Variants in DCC observed in about 807,000 individuals in gnomAD.
The protein encoded by DCC is DCC netrin 1 receptor.
A neutral mutation model predicts 172.5 loss-of-function variants in DCC; 58 were observed. The observed-to-expected ratio is 0.34, with a 90% CI of 0.27 to 0.42. The LOEUF (loss-of-function observed/expected upper bound fraction) is 0.42, where lower values mean the gene tolerates loss of function less well. DCC is among the 10% of genes least tolerant of loss of function. DCC has a pLI of 1.00. For synonymous variants in DCC, 709 were observed against 644.5 expected, an observed-to-expected ratio of 1.10 and a Z score of -1.52; for missense variants, 1,740 against 1,791.0, an observed-to-expected ratio of 0.97 and a Z score of 0.51.
chr18:52,590,680 T>C (rs1057445619), intron 1 of DCC, among the ~76,000 whole-genome samples: 2 of 152,198 alleles, frequency 1.3e-5, no homozygotes, highest in African/African-American at 4.8e-5. Context: ...GATGTTGTCA[T>C]CAACCATCCA....
intron 2 of DCC, chr18:52,809,283 A>G (rs1183022280): frequency 6.5e-6 from 1 of 153,654 alleles, no homozygotes; most frequent in Non-Finnish European, 1.4e-5. Context: ...GATACCATGT[A>G]TTTTGTTACT....
chr18:52,794,775 G>A (rs916610519), intron 2 of DCC, among the ~76,000 whole-genome samples: 1 of 151,964 alleles, frequency 6.6e-6, no homozygotes. Context: ...TTGTGGGTTT[G>A]TCATATATAT....
At chr18:53,252,815 A>C (rs2056455415) in intron 12 of DCC, among the ~76,000 whole-genome samples, 1 of 152,032 alleles carries the variant, frequency 6.6e-6, no homozygotes, top group African/African-American at 2.4e-5. Context: ...GCAATTTGGA[A>C]AAAAATGTTT....
chr18:53,386,004 T>C lies in DCC; in HGVS notation c.2360-39T>C, dbSNP rs113330525. ...GCCTTGAGTATTTTGATACATTAAA[T>C]ATATCAACACGTTCATATTGTTTCT... On this transcript the variant is annotated intron_variant, in intron 15 of 28. Coordinates refer to ENST00000442544, the MANE Select transcript of DCC (RefSeq NM_005215.4). The C allele has an allele frequency of 1.0e-3, 1,310 of 1,295,334 alleles. 7 individuals are homozygous for C. Among genetic ancestry groups the C allele is most frequent in the Non-Finnish European group, 6.7e-4 (594 of 889,668 alleles). 80.2% of individuals were successfully genotyped at this position (1,295,334 alleles called of 1,614,324 possible).
At chr18:53,491,457 A>G (rs904886026) in intron 26 of DCC, among the ~76,000 whole-genome samples, 11 of 152,072 alleles carry the variant, frequency 7.2e-5, no homozygotes, top group African/African-American at 2.7e-4. Flanking sequence ...GGTTTGCTGC[A>G]CCCACCAACC....
intron 5 of DCC, among the ~76,000 whole-genome samples, chr18:53,054,956 A>C (rs8096519): frequency 0.27 from 41,329 of 152,020 alleles, 6,086 homozygotes; most frequent in East Asian, 0.38. Context: ...CTATAGGTGC[A>C]ATTGGTATGA....
intron 5 of DCC, among the ~76,000 whole-genome samples, chr18:52,986,625 TAA>T (rs1253824568): frequency 1.3e-5 from 2 of 152,076 alleles, no homozygotes; most frequent in African/African-American, 4.8e-5. Context: ...AGAACTGTTA[TAA>T]GTTTATTGGT....
Position 53,014,569 on chromosome 18 carries a change from T to G in DCC, c.986-48736T>G, listed in dbSNP as rs544082808. Reference sequence around the variant, plus strand: ...GTTTTTTGTCCTTGCGATAGTTTGCTGAGAATGATGGGGGATAATTATTTA... The same window carrying G: ...GTTTTTTGTCCTTGCGATAGTTTGCGGAGAATGATGGGGGATAATTATTTA... On this transcript the variant is annotated intron_variant, in intron 5 of 28. Coordinates refer to ENST00000442544, the MANE Select transcript of DCC (RefSeq NM_005215.4). Among the ~76,000 whole-genome samples the G allele has an allele frequency of 4.6e-5, 7 of 151,716 alleles. No homozygotes were observed. In the East Asian group the frequency reaches 9.8e-4, roughly 21 times the overall value.
At chr18:52,626,524 G>C (rs1025696790) in intron 1 of DCC, among the ~76,000 whole-genome samples, 2 of 151,740 alleles carry the variant, frequency 1.3e-5, no homozygotes, top group African/African-American at 4.8e-5. Flanking sequence ...ACCTCAATTA[G>C]GTTGTCCCTT....
intron 12 of DCC, among the ~76,000 whole-genome samples, chr18:53,243,130 T>TG (rs1222210134): frequency 6.6e-6 from 1 of 152,128 alleles, no homozygotes; most frequent in African/African-American, 2.4e-5. Context: ...AACAGTCCTA[T>TG]TTTGGTTTAT....
chr18:52,678,206 C>T (rs2035680074), intron 1 of DCC, among the ~76,000 whole-genome samples: 1 of 152,058 alleles, frequency 6.6e-6, no homozygotes, highest in South Asian at 2.1e-4. Context: ...ATCTGTGTGA[C>T]AGCCTGGCAA....
intron 1 of DCC, among the ~76,000 whole-genome samples, chr18:52,473,688 C>T (rs1414540251): frequency 6.6e-6 from 1 of 152,076 alleles, no homozygotes; most frequent in African/African-American, 2.4e-5. Context: ...GGAAACTGCC[C>T]CCATGATTCG....
intron 1 of DCC, among the ~76,000 whole-genome samples, chr18:52,464,166 G>A (rs1988713005): frequency 6.6e-6 from 1 of 152,122 alleles, no homozygotes; most frequent in Non-Finnish European, 1.5e-5. Flanking sequence ...ATTCTTAGTT[G>A]TTTTATCTTC....
At chr18:52,540,296 G>A (rs918385381) in intron 1 of DCC, among the ~76,000 whole-genome samples, 2 of 151,992 alleles carry the variant, frequency 1.3e-5, no homozygotes, top group African/African-American at 2.4e-5. Context: ...AAATAATGAT[G>A]TGCACCTGTA....
intron 27 of DCC, among the ~76,000 whole-genome samples, chr18:53,512,690 C>T (rs2046272561): frequency 6.6e-6 from 1 of 151,696 alleles, no homozygotes; most frequent in African/African-American, 2.4e-5. Flanking sequence ...CCGATGCAAT[C>T]AACTGGAAGA....
intron 5 of DCC, among the ~76,000 whole-genome samples, chr18:53,003,199 C>T (rs1001062072): frequency 1.4e-5 from 2 of 146,082 alleles, no homozygotes; most frequent in African/African-American, 4.9e-5. Flanking sequence ...AACTTGGCTT[C>T]TCAATGGTCA....
intron 5 of DCC, among the ~76,000 whole-genome samples, chr18:53,008,576 C>T (rs1006916961): frequency 6.6e-6 from 1 of 151,948 alleles, no homozygotes; most frequent in Non-Finnish European, 1.5e-5. Flanking sequence ...TTAAATATTA[C>T]ATAAGTGTAA....
intron 2 of DCC, among the ~76,000 whole-genome samples, chr18:52,792,018 T>G (rs1342133854): frequency 6.6e-6 from 1 of 152,104 alleles, no homozygotes; most frequent in Admixed American, 6.6e-5. Flanking sequence ...ACATAAAGCC[T>G]GGTCTCTAGA....
intron 7 of DCC, among the ~76,000 whole-genome samples, chr18:53,151,092 C>T (rs1261672549): frequency 6.6e-6 from 1 of 152,148 alleles, no homozygotes; most frequent in African/African-American, 2.4e-5. Context: ...GTGCCTTGCA[C>T]AAAGTATGTC....
Sources: allele counts gnomAD v4.1 joint callset (sites outside exome capture counted in the v4.1 genomes callset), GRCh38; gene constraint gnomAD v4.1.1; transcripts MANE v1.5; gene names NCBI Gene and HGNC (gene_info 2026-07-23, HGNC 2026-07-21).